PKP4: variants seen among roughly 807,000 people sequenced by gnomAD.
The protein encoded by PKP4 is plakophilin 4.
Under a neutral mutation model 145.1 loss-of-function variants are expected in PKP4, and 90 were observed. The observed-to-expected ratio is 0.62, with a 90% confidence interval of 0.52 to 0.74. The LOEUF (loss-of-function observed/expected upper bound fraction) is 0.74. PKP4 is among the 30% of genes least tolerant of loss of function. The pLI is 0.00. For missense variants in PKP4, 1,340 were observed against 1,482.7 expected, an observed-to-expected ratio of 0.90 and a Z score of 1.58; for synonymous variants, 563 against 577.2, an observed-to-expected ratio of 0.98 and a Z score of 0.35.
chr2:158,564,544 T>A (rs933529763), intron 2 of PKP4, among the ~76,000 whole-genome samples: 4 of 152,212 alleles, frequency 2.6e-5, no homozygotes, highest in Non-Finnish European at 5.9e-5. Flanking sequence ...TATGGCTTTT[T>A]AATTTTAATA....
intron 1 of PKP4, among the ~76,000 whole-genome samples, chr2:158,523,189 A>G (rs1574268671): frequency 6.8e-6 from 1 of 147,510 alleles, no homozygotes; most frequent in Non-Finnish European, 1.5e-5. Context: ...GGCACAGACA[A>G]ACAAAAAGAC....
intron 2 of PKP4, among the ~76,000 whole-genome samples, chr2:158,555,731 TG>T (rs2046032108): frequency 6.6e-6 from 1 of 152,240 alleles, no homozygotes; most frequent in Non-Finnish European, 1.5e-5. Context: ...TATCCTCACC[TG>T]GTCTCACTTT....
At chr2:158,653,564 T>G (rs536811722) in intron 11 of PKP4, among the ~76,000 whole-genome samples, 268 of 152,236 alleles carry the variant, frequency 1.8e-3, no homozygotes, top group Non-Finnish European at 3.1e-3. Context: ...TTTTCTACAA[T>G]AATATGCATG....
chr2:158,515,710 C>T (rs558060226), intron 1 of PKP4, among the ~76,000 whole-genome samples: 1 of 152,206 alleles, frequency 6.6e-6, no homozygotes, highest in South Asian at 2.1e-4. Flanking sequence ...TGTGGGATTT[C>T]CCAAAGTATG....
At chr2:158,496,920 C>CA (rs1360889468) in intron 1 of PKP4, among the ~76,000 whole-genome samples, 1 of 152,142 alleles carries the variant, frequency 6.6e-6, no homozygotes, top group Non-Finnish European at 1.5e-5. Context: ...TAGGTTCCTG[C>CA]ACTCTTGATA....
intron 1 of PKP4, among the ~76,000 whole-genome samples, chr2:158,493,760 A>T (rs60126942): frequency 6.6e-6 from 1 of 152,198 alleles, no homozygotes; most frequent in East Asian, 1.9e-4. Flanking sequence ...AGTGCTGCTC[A>T]CTTGGCAACA....
At chr2:158,661,174 G>T (rs1010025662) in intron 12 of PKP4, 159 bp from the exon 13 acceptor site, 5 of 551,636 alleles carry the variant, frequency 9.1e-6, no homozygotes, top group African/African-American at 1.9e-5. Flanking sequence ...GGCCATCATT[G>T]TGAGCTTCAG....
Position 158,472,659 on chromosome 2 carries a change from C to A in PKP4, c.-6+15441C>A, listed in dbSNP as rs550325485. 2.0e-5 allele frequency among the ~76,000 whole-genome samples: 3 copies of A among 149,394 alleles called. No homozygotes were observed. In the East Asian group the frequency reaches 5.9e-4, roughly 30 times the overall value. On this transcript the variant is annotated intron_variant, in intron 1 of 21. Coordinates refer to ENST00000389759, the MANE Select transcript of PKP4 (RefSeq NM_003628.6). ...GAATTAAAAACTATCTTCAGGCTGA[C>A]CATATCAGTTTTTATGTCTTTTCAA... is the stretch of plus-strand genomic sequence containing the variant.
intron 2 of PKP4, among the ~76,000 whole-genome samples, chr2:158,536,624 T>G (rs1437899073): frequency 1.3e-5 from 2 of 152,212 alleles, no homozygotes; most frequent in African/African-American, 4.8e-5. Context: ...TTCACTGGGC[T>G]ATGCTTTCCC....
intron 21 of PKP4, among the ~76,000 whole-genome samples, chr2:158,680,182 C>T (rs562831539): frequency 1.3e-5 from 2 of 152,312 alleles, no homozygotes; most frequent in South Asian, 4.1e-4. Flanking sequence ...CTCAGGCTTT[C>T]TTGAGGCACC....
chr2:158,624,091 T>G (rs1331956518), intron 6 of PKP4, among the ~76,000 whole-genome samples: 2 of 152,186 alleles, frequency 1.3e-5, no homozygotes, highest in African/African-American at 4.8e-5. Flanking sequence ...TGACCATTCC[T>G]CCTGCTGGAA....
At position 158,601,589 on chromosome 2, in the gene PKP4, C is replaced by T. The variant is rs562401245; in HGVS notation, c.246-1481C>T. On this transcript the variant is annotated intron_variant, in intron 3 of 21. Transcript: ENST00000389759. ...CAAGTTTTCACTTTTTCCTATCAGT[C>T]CATTTTGAAATCAGCTAAGAGTGTT... 7.2e-4 allele frequency among the ~76,000 whole-genome samples: 109 copies of T among 152,230 alleles called. 1 individual carries two copies. Among genetic ancestry groups the T allele is most frequent in the African/African-American group, 2.5e-3 (105 of 41,542 alleles).
intron 1 of PKP4, among the ~76,000 whole-genome samples, chr2:158,494,877 A>AT (rs112070193): frequency 7.4e-5 from 11 of 148,496 alleles, no homozygotes; most frequent in Non-Finnish European, 7.5e-5. Context: ...TCATTGCTCT[A>AT]TTTTTTTTTT....
Position 158,583,067 on chromosome 2 carries a change from C to G in PKP4, c.245+5684C>G, listed in dbSNP as rs192294319. The stretch of plus-strand genomic sequence containing the variant: ...ATGCTGGGGTATGTACAGCTCATCT[C>G]AGGAAATCTCACAGCATAGAATCTT... On this transcript the variant is annotated intron_variant, in intron 3 of 21. Coordinates refer to ENST00000389759, the MANE Select transcript of PKP4 (RefSeq NM_003628.6). Among the ~76,000 whole-genome samples, 385 of 152,296 alleles carry G rather than the reference C, an allele frequency of 2.5e-3. 2 individuals carry two copies. The highest frequency in any genetic ancestry group is 9.0e-3 in the African/African-American group (374 of 41,562).
intron 1 of PKP4, among the ~76,000 whole-genome samples, chr2:158,485,873 A>C (rs2105449102): frequency 6.6e-6 from 1 of 152,352 alleles, no homozygotes; most frequent in East Asian, 1.9e-4. Context: ...CAATAATTAA[A>C]ATACATTGGC....
chr2:158,661,484 G>A (rs1558971873), intron 13 of PKP4, 34 bp downstream of exon 13: 3 of 1,368,702 alleles, frequency 2.2e-6, no homozygotes, highest in Non-Finnish European at 3.1e-6. Context: ...AGGGCGTGGT[G>A]GCAGGTGACC....
intron 1 of PKP4, among the ~76,000 whole-genome samples, chr2:158,517,687 G>C (rs145785461): frequency 6.6e-6 from 1 of 152,008 alleles, no homozygotes; most frequent in Non-Finnish European, 1.5e-5. Context: ...AGGCCCAGGC[G>C]GGTAGATAGG....
chr2:158,621,681 G>A (rs2052267019), intron 6 of PKP4, among the ~76,000 whole-genome samples: 1 of 151,374 alleles, frequency 6.6e-6, no homozygotes, highest in Non-Finnish European at 1.5e-5. Context: ...AGGAGGCAGA[G>A]CTTGCAGTGA....
chr2:158,667,016 A>G (rs2057151069), intron 16 of PKP4, among the ~76,000 whole-genome samples: 1 of 142,750 alleles, frequency 7.0e-6, no homozygotes, highest in Admixed American at 7.6e-5. Flanking sequence ...GAGAAGAACC[A>G]CTGTCCCAAC....
Sources: gnomAD v4.1 joint callset for allele counts (sites outside exome capture counted in the v4.1 genomes callset) on GRCh38, gnomAD v4.1.1 for gene constraint, MANE v1.5 for transcripts, NCBI Gene and HGNC (gene_info 2026-07-23, HGNC 2026-07-21) for gene names.